HORMAD1: variants seen among roughly 807,000 people sequenced by gnomAD.
HORMAD1 encodes the protein HORMA domain-containing protein 1.
Under a neutral mutation model 58.2 loss-of-function variants are expected in HORMAD1, and 33 were observed. That is an observed-to-expected ratio of 0.57 (90% confidence interval 0.43 to 0.76). HORMAD1 has a LOEUF of 0.76. HORMAD1 is among the 30% of genes least tolerant of loss of function. The pLI is 0.00. For missense variants in HORMAD1, 363 were observed against 462.0 expected, an observed-to-expected ratio of 0.79 and a Z score of 1.96; for synonymous variants, 137 against 144.6, an observed-to-expected ratio of 0.95 and a Z score of 0.38.
In HORMAD1 at chr1:150,716,255, C is replaced by G. The variant is rs587738460; in HGVS notation, c.178+883G>C. Among the ~76,000 whole-genome samples, 156 of 145,962 alleles carry G rather than the reference C, an allele frequency of 1.1e-3. 2 individuals carry two copies. The South Asian group carries it at 0.035, about 33-fold the overall frequency. ...TCGGCTCACTGCAACCTCCGCCTCC[C>G]GGGTTCAAGCGATTCTCCTGCTCAG... On this transcript the variant is annotated intron_variant, in intron 3 of 14. Coordinates refer to ENST00000361824, the MANE Select transcript of HORMAD1 (RefSeq NM_032132.5).
chr1:150,708,269 A>T lies in HORMAD1; in HGVS notation c.534T>A (p.Phe178Leu), dbSNP rs1651759501. 2.5e-6 allele frequency: 4 copies of T among 1,604,358 alleles called. No individual in the cohort carries two copies. The African/African-American group carries it at 4.0e-5, about 16-fold the overall frequency. The change falls in exon 9 of 15, where the codon TTT becomes TTA. Residue 178 changes from phenylalanine to leucine, a missense_variant. Phe to Leu is a conservative substitution (Grantham distance 22, BLOSUM62 0). Around this residue, in one of 3 missense-constraint regions of HORMAD1, gnomAD observed 226 missense variants for 257.8 expected, o/e 0.88. Coordinates refer to ENST00000361824, the MANE Select transcript of HORMAD1 (RefSeq NM_032132.5). Reference protein sequence around the residue: ...PNDVCLTMKLFYYDEVTPPDY... With the variant: ...PNDVCLTMKLLYYDEVTPPDY... Reference sequence around the variant, plus strand: ...TGCAAATAGTACCTTCATCATAGTAAAAAAGTTTCATGGTCAAACAAACAT... The same window carrying T: ...TGCAAATAGTACCTTCATCATAGTATAAAAGTTTCATGGTCAAACAAACAT...
chr1:150,719,387 C>G (rs999799341), intron 2 of HORMAD1, 86 bp downstream of exon 2: 2 of 789,564 alleles, frequency 2.5e-6, no homozygotes, highest in East Asian at 5.4e-5. Context: ...AATAGTTGAG[C>G]CCTAACTTCC....
intron 13 of HORMAD1, chr1:150,701,812 G>T (rs1002237246): frequency 5.3e-5 from 8 of 152,074 alleles, no homozygotes. Flanking sequence ...ATATACAAAA[G>T]ATTATTTTGT....
Position 150,700,131 on chromosome 1 carries a change from TGAC to T in HORMAD1, c.1082_1084del (p.Ser361_Gln362delinsLys). 6.4e-7 allele frequency: 1 copy of T among 1,562,914 alleles called. No homozygotes were observed. The highest frequency in any genetic ancestry group is 1.7e-4 in the Middle Eastern group (1 of 5,970). On this transcript the variant is annotated inframe_deletion, in exon 14 of 15. Coordinates refer to ENST00000361824, the MANE Select transcript of HORMAD1 (RefSeq NM_032132.5). ...ACTTACTATTCTCCCAGATTCATGTTGACTTCTCTTCCGATTTTCTTTGGAAGA... is the reference window on the plus strand; with the variant it reads ...ACTTACTATTCTCCCAGATTCATGTTTTCTCTTCCGATTTTCTTTGGAAGA...
At chr1:150,719,782 C>CTT (rs1205423308) in intron 1 of HORMAD1, among the ~76,000 whole-genome samples, 1 of 152,146 alleles carries the variant, frequency 6.6e-6, no homozygotes, top group East Asian at 1.9e-4. Flanking sequence ...TTTAAGAGAA[C>CTT]TTTTTAAAAA....
At chr1:150,708,045 T>C (rs1279724580) in intron 9 of HORMAD1, among the ~76,000 whole-genome samples, 1 of 152,234 alleles carries the variant, frequency 6.6e-6, no homozygotes, top group African/African-American at 2.4e-5. Flanking sequence ...TGAGTGAGGT[T>C]ATACTTCACA....
intron 13 of HORMAD1, among the ~76,000 whole-genome samples, chr1:150,700,906 G>C (rs1204810438): frequency 1.3e-5 from 2 of 151,994 alleles, no homozygotes; most frequent in East Asian, 3.8e-4. Context: ...TGTGAATAAT[G>C]CTGTATATAT....
intron 13 of HORMAD1, among the ~76,000 whole-genome samples, chr1:150,700,610 C>T (rs1651508062): frequency 6.6e-6 from 1 of 152,106 alleles, no homozygotes. Flanking sequence ...CAAACAAACC[C>T]CATATACCTT....
intron 2 of HORMAD1, 75 bp from the exon 3 acceptor site, chr1:150,717,357 C>G: frequency 2.1e-6 from 2 of 948,488 alleles, no homozygotes; most frequent in Non-Finnish European, 3.0e-6. Flanking sequence ...TAACATATAT[C>G]CAATTTTGTA....
At position 150,717,166 on chromosome 1, in the gene HORMAD1, T is replaced by C; in HGVS notation, c.150A>G (p.Glu50=). The change falls in exon 3 of 15, where the codon GAA becomes GAG. Residue 50 remains glutamate, a synonymous_variant. Transcript: ENST00000361824. ...CTAGATATCTTGTTCCATAAGCGCA[T>C]TCTGGGAATATTCCCCTCAAATACG... ...CITYLRGIFP[E]CAYGTRYLDD... The C allele has an allele frequency of 6.3e-7, 1 of 1,582,820 alleles. No homozygotes were observed. Among genetic ancestry groups the C allele is most frequent in the Non-Finnish European group, 8.6e-7 (1 of 1,160,946 alleles).
At chr1:150,710,106 T>C (rs1166746327) in intron 7 of HORMAD1, among the ~76,000 whole-genome samples, 1 of 152,036 alleles carries the variant, frequency 6.6e-6, no homozygotes, top group Non-Finnish European at 1.5e-5. Flanking sequence ...CCCCTGGGCC[T>C]ACTATTGTTT....
intron 2 of HORMAD1, among the ~76,000 whole-genome samples, chr1:150,717,874 A>C (rs1432522121): frequency 6.6e-6 from 1 of 152,174 alleles, no homozygotes; most frequent in Non-Finnish European, 1.5e-5. Flanking sequence ...TGAGCCCAGG[A>C]GGCAGAGGTT....
chr1:150,700,890 G>A lies in HORMAD1; in HGVS notation c.1033-707C>T, dbSNP rs111312516. Among the ~76,000 whole-genome samples, 1,263 of 151,566 alleles carry A rather than the reference G, an allele frequency of 8.3e-3. 10 individuals carry two copies. Among genetic ancestry groups the A allele is most frequent in the Admixed American group, 0.013 (197 of 15,208 alleles). On this transcript the variant is annotated intron_variant, in intron 13 of 14. Coordinates refer to ENST00000361824, the MANE Select transcript of HORMAD1 (RefSeq NM_032132.5). ...TATATTTAGGTTTTTCCCATCTTTC[G>A]GCTATTGTGAATAATGCTGTATATA... is the stretch of plus-strand genomic sequence containing the variant.
Position 150,706,578 on chromosome 1 carries a change from T to C in HORMAD1, c.779A>G (p.Glu260Gly), listed in dbSNP as rs768775090. 1.2e-6 allele frequency: 2 copies of C among 1,608,982 alleles called. No individual in the cohort carries two copies. The highest frequency in any genetic ancestry group is 2.7e-5 in the African/African-American group (2 of 74,808). Residue 260 changes from glutamate (E) to glycine (G), a missense_variant, in exon 10 of 15, where the codon GAA becomes GGA. This residue lies in a region of HORMAD1 where 226 missense variants were observed against 257.8 expected (regional missense o/e 0.88). Transcript: ENST00000361824. The part of the protein sequence containing the change: ...FQKILRDKDV[E>G]DEQEHYTSDD... ...ACTTGTATAATGCTCCTGTTCATCT[T>C]CTACATCTTTGTCCCTCAGGATTTT...
chr1:150,711,915 ATCATAAGAATTCTTTG>A, intron 5 of HORMAD1, 62 bp from the exon 6 acceptor site: 1 of 1,093,760 alleles, frequency 9.1e-7, no homozygotes, highest in Admixed American at 2.0e-5. Context: ...TTCATTACGA[ATCATAAGAATTCTTTG>A]TCCTATTTCA....
chr1:150,720,445 G>T (rs1652216791), intron 1 of HORMAD1, among the ~76,000 whole-genome samples: 1 of 151,952 alleles, frequency 6.6e-6, no homozygotes, highest in African/African-American at 2.4e-5. Flanking sequence ...GGCCTCAGCC[G>T]CCCAACTTGC....
intron 12 of HORMAD1, 23 bp downstream of exon 12, chr1:150,704,095 A>T: frequency 6.7e-7 from 1 of 1,498,968 alleles, no homozygotes; most frequent in Non-Finnish European, 9.0e-7. Flanking sequence ...AACAAAAGTG[A>T]GATGAAACTA....
chr1:150,717,127 T>A lies in HORMAD1; in HGVS notation c.178+11A>T. On this transcript the variant is annotated intron_variant, in intron 3 of 14. Transcript: ENST00000361824. ...TTTTAAAAGAAAGCTTTAAAATAAA[T>A]ATTGTATTACCATCTAGATATCTTG... The A allele has an allele frequency of 2.0e-6, 3 of 1,482,248 alleles. No homozygotes were observed. The highest frequency in any genetic ancestry group is 2.7e-6 in the Non-Finnish European group (3 of 1,096,180). The allele number at this position is 1,482,248 out of a possible 1,614,324, so 91.8% of individuals were successfully genotyped here.
rs587613899 is a variant in HORMAD1 at position 150,706,861 on chromosome 1, A to T, written c.548-52T>A. Reference sequence around the variant, plus strand: ...CTGTTCATGAAATTAAAGAAAATATAATTATTATTATAAAAACACACGCAG... The same window carrying T: ...CTGTTCATGAAATTAAAGAAAATATTATTATTATTATAAAAACACACGCAG... On this transcript the variant is annotated intron_variant, in intron 9 of 14. Transcript: ENST00000361824. The T allele has an allele frequency of 1.3e-4, 181 of 1,432,776 alleles. 1 individual carries two copies. In the South Asian group the frequency reaches 2.3e-3, roughly 18 times the overall value. The allele number at this position is 1,432,776 out of a possible 1,614,324, so 88.8% of individuals were successfully genotyped here.
Sources: gnomAD v4.1 joint callset for allele counts (sites outside exome capture counted in the v4.1 genomes callset) on GRCh38, gnomAD v4.1.1 for gene constraint, gnomAD v4.1.1 regional missense constraint, MANE v1.5 for transcripts, NCBI Gene and HGNC (gene_info 2026-07-23, HGNC 2026-07-21) for gene names.